Variants in IGF1R observed in about 807,000 individuals in gnomAD.
IGF1R encodes the protein insulin like growth factor 1 receptor.
Under a neutral mutation model 144.6 loss-of-function variants are expected in IGF1R, and 44 were observed. The observed-to-expected ratio is 0.30, with a 90% CI of 0.24 to 0.39. IGF1R has a LOEUF of 0.39. Ranked by LOEUF, IGF1R falls within the 10% of genes least tolerant of loss-of-function variation. The probability of loss-of-function intolerance (pLI) is 1.00; values close to 1 mark genes in which losing one functional copy is unlikely to be tolerated. For missense variants in IGF1R, 1,355 were observed against 1,833.7 expected, an observed-to-expected ratio of 0.74 and a Z score of 4.77; for synonymous variants, 795 against 722.8, an observed-to-expected ratio of 1.10 and a Z score of -1.60.
At position 98,960,672 on chromosome 15, in the gene IGF1R, TGCAGCTGCAGCA is replaced by T. The variant is rs2017187729; in HGVS notation, c.*3238_*3249del. ...CTGCTGCATTCATTGAGCACAAAGGTGCAGCTGCAGCAGCAGCTGGAGAGCAAGAGTCACCCA... is the reference window on the plus strand; with the variant it reads ...CTGCTGCATTCATTGAGCACAAAGGTGCAGCTGGAGAGCAAGAGTCACCCA... On this transcript the variant is annotated 3_prime_UTR_variant, in exon 21 of 21. Coordinates refer to ENST00000650285, the MANE Select transcript of IGF1R (RefSeq NM_000875.5). 1 of 233,116 alleles carries T rather than the reference TGCAGCTGCAGCA, an allele frequency of 4.3e-6. No homozygotes were observed. Among genetic ancestry groups the T allele is most frequent in the South Asian group, 1.8e-4 (1 of 5,536 alleles). The allele number at this position is 233,116 out of a possible 1,614,324, so 14.4% of individuals were successfully genotyped here.
chr15:98,701,056 G>C (rs1202551449), intron 1 of IGF1R, among the ~76,000 whole-genome samples: 3 of 151,982 alleles, frequency 2.0e-5, no homozygotes, highest in Admixed American at 2.0e-4. Context: ...GTCTAGAGAG[G>C]GTTTTTGTTG....
At chr15:98,797,425 G>A (rs935715268) in intron 2 of IGF1R, among the ~76,000 whole-genome samples, 5 of 152,238 alleles carry the variant, frequency 3.3e-5, no homozygotes, top group South Asian at 2.1e-4. Context: ...TTGTTCATAT[G>A]TGGTGACAGA....
rs1024153256 is a variant in IGF1R, at chr15:98,659,661, G to A, written c.94+9986G>A. Reference sequence around the variant, plus strand: ...CAGACAGGCGCACTGCAACTCCATGGCAGAGCTGTTAACACCTAGTGTGTC... The same window carrying A: ...CAGACAGGCGCACTGCAACTCCATGACAGAGCTGTTAACACCTAGTGTGTC... On this transcript the variant is annotated intron_variant, in intron 1 of 20. Transcript: ENST00000650285. Among the ~76,000 whole-genome samples, 13 of 152,090 alleles carry A rather than the reference G, an allele frequency of 8.5e-5. 1 individual carries two copies. Among genetic ancestry groups the A allele is most frequent in the Admixed American group, 8.5e-4 (13 of 15,262 alleles).
At chr15:98,671,939 T>A (rs2052903705) in intron 1 of IGF1R, among the ~76,000 whole-genome samples, 1 of 152,194 alleles carries the variant, frequency 6.6e-6, no homozygotes, top group African/African-American at 2.4e-5. Context: ...ATGAAGGCGA[T>A]AAGTCGAAAG....
chr15:98,889,811 AAAC>A (rs1237201004), intron 2 of IGF1R, among the ~76,000 whole-genome samples: 1 of 152,194 alleles, frequency 6.6e-6, no homozygotes, highest in Admixed American at 6.5e-5. Flanking sequence ...TTACAAGAAA[AAAC>A]AAATTCTAGA....
chr15:98,929,598 C>T lies in IGF1R; in HGVS notation c.2823C>T (p.Pro941=), dbSNP rs574580031. 110 of 1,614,092 alleles carry T rather than the reference C, an allele frequency of 6.8e-5. No individual in the cohort carries two copies. Among genetic ancestry groups the T allele is most frequent in the South Asian group, 4.8e-4 (44 of 91,078 alleles). The change falls in exon 14 of 21, where the codon CCC becomes CCT. Residue 941 remains proline (P), a synonymous_variant. Coordinates refer to ENST00000650285, the MANE Select transcript of IGF1R (RefSeq NM_000875.5). ...TCATCCATCTGATCATCGCTCTGCC[C>T]GTCGCTGTCCTGTTGATCGTGGGAG... The part of the protein sequence containing the change: ...ENFIHLIIAL[P]VAVLLIVGGL...
intron 2 of IGF1R, among the ~76,000 whole-genome samples, chr15:98,853,428 C>T (rs1239847000): frequency 6.6e-6 from 1 of 152,186 alleles, no homozygotes; most frequent in African/African-American, 2.4e-5. Context: ...CTCTGTGTCA[C>T]AGGCTCCAAG....
At chr15:98,933,369 G>C (rs536568467) in intron 15 of IGF1R, among the ~76,000 whole-genome samples, 1 of 151,460 alleles carries the variant, frequency 6.6e-6, no homozygotes, top group Non-Finnish European at 1.5e-5. Flanking sequence ...TTTGAGACAG[G>C]TTCTCACTCT....
intron 2 of IGF1R, among the ~76,000 whole-genome samples, chr15:98,741,249 T>G (rs1340685987): frequency 1.3e-5 from 2 of 149,992 alleles, no homozygotes; most frequent in South Asian, 2.1e-4. Context: ...TTTTTTTTTT[T>G]TTTTTTTTTT....
At chr15:98,931,692 C>T (rs1304911349) in intron 15 of IGF1R, among the ~76,000 whole-genome samples, 1 of 37,120 alleles carries the variant, frequency 2.7e-5, no homozygotes, top group Admixed American at 4.7e-4. Flanking sequence ...AGGATCTTTC[C>T]CTTTAAAAAA....
chr15:98,719,863 G>A (rs4966016), intron 2 of IGF1R, among the ~76,000 whole-genome samples: 152,368 of 152,368 alleles, frequency 1, 76,184 homozygotes, highest in Non-Finnish European at 1. Flanking sequence ...CTTATTGGGC[G>A]GTAGTGTTAT....
Position 98,862,941 on chromosome 15 carries a change from A to G in IGF1R, c.641-28384A>G, listed in dbSNP as rs1349889001. Among the ~76,000 whole-genome samples the G allele has an allele frequency of 8.5e-5, 13 of 152,252 alleles. 3 individuals are homozygous for G. The South Asian group carries it at 2.7e-3, about 32-fold the overall frequency. ...TAATACGGTTATCAAAACAGTGTTC[A>G]CTCCATACTCCAGTGCTGTTAATCT... On this transcript the variant is annotated intron_variant, in intron 2 of 20. Coordinates refer to ENST00000650285, the MANE Select transcript of IGF1R (RefSeq NM_000875.5).
intron 2 of IGF1R, among the ~76,000 whole-genome samples, chr15:98,715,928 A>G (rs2054103688): frequency 6.6e-6 from 1 of 152,192 alleles, no homozygotes; most frequent in South Asian, 2.1e-4. Context: ...ATCACATTTT[A>G]AGTAAAAACC....
At chr15:98,683,041 T>G (rs1209441671) in intron 1 of IGF1R, among the ~76,000 whole-genome samples, 1 of 150,936 alleles carries the variant, frequency 6.6e-6, no homozygotes, top group African/African-American at 2.4e-5. Context: ...GATATTCTGA[T>G]CACACAGTGC....
At chr15:98,855,733 T>A (rs901256105) in intron 2 of IGF1R, among the ~76,000 whole-genome samples, 1 of 152,202 alleles carries the variant, frequency 6.6e-6, no homozygotes, top group African/African-American at 2.4e-5. Flanking sequence ...GAAACCCTAA[T>A]CTGAGGGAAT....
At chr15:98,760,418 G>C (rs1383736871) in intron 2 of IGF1R, among the ~76,000 whole-genome samples, 3 of 152,114 alleles carry the variant, frequency 2.0e-5, no homozygotes. Flanking sequence ...TTCTGCCTAA[G>C]TCATCTTGAA....
chr15:98,715,101 T>G (rs1401364267), intron 2 of IGF1R, among the ~76,000 whole-genome samples: 2 of 152,186 alleles, frequency 1.3e-5, no homozygotes, highest in Non-Finnish European at 2.9e-5. Context: ...TGATCTTTAT[T>G]TAGAAGGGGG....
intron 2 of IGF1R, among the ~76,000 whole-genome samples, chr15:98,831,037 A>T (rs920033179): frequency 6.6e-6 from 1 of 152,076 alleles, no homozygotes; most frequent in Admixed American, 6.5e-5. Flanking sequence ...CAGAGTGAGA[A>T]CTCACTCTTT....
In IGF1R at chr15:98,961,108, G is replaced by C; in HGVS notation, c.*3666G>C. The C allele has an allele frequency of 4.3e-6, 1 of 233,504 alleles. No homozygotes were observed. Among genetic ancestry groups the C allele is most frequent in the Non-Finnish European group, 8.5e-6 (1 of 117,930 alleles). 14.5% of individuals were successfully genotyped at this position (233,504 alleles called of 1,614,324 possible). On this transcript the variant is annotated 3_prime_UTR_variant, in exon 21 of 21. Coordinates refer to ENST00000650285, the MANE Select transcript of IGF1R (RefSeq NM_000875.5). ...GCTCAGGAGCCTCCTGCTGGAACGC[G>C]ACCCATCTCTCCCAGGACCCCGGGG...
Sources: gnomAD v4.1 joint callset for allele counts (sites outside exome capture counted in the v4.1 genomes callset) on GRCh38, gnomAD v4.1.1 for gene constraint, MANE v1.5 for transcripts, NCBI Gene and HGNC (gene_info 2026-07-23, HGNC 2026-07-21) for gene names.